ELMO1: variants seen among roughly 807,000 people sequenced by gnomAD.
The protein encoded by ELMO1 is engulfment and cell motility protein 1.
A neutral mutation model predicts 98.9 loss-of-function variants in ELMO1; 26 were observed. The ratio of observed to expected loss-of-function variants is 0.26; its 90% confidence interval spans 0.19 to 0.36. The LOEUF (loss-of-function observed/expected upper bound fraction) is 0.36. Among genes scored for constraint, ELMO1 ranks in the 10% least tolerant of loss-of-function variants. The pLI, the probability that ELMO1 is intolerant of heterozygous loss-of-function variation, is 1.00. For missense variants in ELMO1, 627 were observed against 935.2 expected (o/e 0.67, Z 4.30); for synonymous variants, 346 against 346.0 (o/e 1.00, Z 0.00).
chr7:37,343,625 G>A (rs1022925566), intron 1 of ELMO1, among the ~76,000 whole-genome samples: 9 of 151,566 alleles, frequency 5.9e-5, no homozygotes, highest in Admixed American at 5.9e-4. Context: ...AGGATAACAG[G>A]GGCCCACCAC....
In ELMO1 at chr7:37,039,689, T is replaced by C. The variant is rs147574420; in HGVS notation, c.1301-26254A>G. 1.6e-3 allele frequency among the ~76,000 whole-genome samples: 248 copies of C among 152,362 alleles called. 1 individual carries two copies. In the Middle Eastern group the frequency reaches 0.017, roughly 10 times the overall value. On this transcript the variant is annotated intron_variant, in intron 15 of 21. Coordinates refer to ENST00000310758, the MANE Select transcript of ELMO1 (RefSeq NM_014800.11). ...ATTTTCTTTTTTAGCCTGAGGCCAG[T>C]TGACTCTATTTCAGCCTGTGTCTAA...
intron 15 of ELMO1, among the ~76,000 whole-genome samples, chr7:37,054,139 G>T (rs1172681168): frequency 2.0e-5 from 3 of 152,040 alleles, no homozygotes; most frequent in African/African-American, 7.3e-5. Flanking sequence ...CTATATTTAG[G>T]ATACCTGTGT....
At chr7:37,242,390 GT>G (rs1250943070) in intron 7 of ELMO1, among the ~76,000 whole-genome samples, 1 of 152,090 alleles carries the variant, frequency 6.6e-6, no homozygotes, top group African/African-American at 2.4e-5. Flanking sequence ...ATTTATAAAA[GT>G]TTTTAAAAAA....
chr7:37,141,315 C>T (rs762326227), intron 13 of ELMO1, among the ~76,000 whole-genome samples: 3 of 152,122 alleles, frequency 2.0e-5, no homozygotes, highest in Non-Finnish European at 2.9e-5. Context: ...TGTTCTCACT[C>T]ATGTGGGAGC....
chr7:37,271,736 C>G (rs1156302671), intron 5 of ELMO1, 96 bp downstream of exon 5: 19 of 1,376,964 alleles, frequency 1.4e-5, no homozygotes, highest in Non-Finnish European at 1.0e-6. Flanking sequence ...TTGCTTTGCA[C>G]TAAAGTCAAC....
At chr7:37,211,553 G>A (rs1279272909) in intron 12 of ELMO1, 36 bp from the exon 13 acceptor site, 2 of 1,605,496 alleles carry the variant, frequency 1.2e-6, no homozygotes, top group South Asian at 2.2e-5. Context: ...AAAGGGAGGG[G>A]AAAAAGCTGC....
intron 5 of ELMO1, among the ~76,000 whole-genome samples, chr7:37,261,886 G>A (rs1331815486): frequency 6.6e-6 from 1 of 152,180 alleles, no homozygotes; most frequent in Non-Finnish European, 1.5e-5. Flanking sequence ...ACAGGCGTGA[G>A]CCACCACGCC....
chr7:37,036,799 T>C (rs1444518094), intron 15 of ELMO1, among the ~76,000 whole-genome samples: 1 of 152,118 alleles, frequency 6.6e-6, no homozygotes, highest in African/African-American at 2.4e-5. Flanking sequence ...ATGCAAGATA[T>C]TGGAGTTGGA....
At chr7:37,369,323 G>T (rs922773103) in intron 1 of ELMO1, among the ~76,000 whole-genome samples, 3 of 152,110 alleles carry the variant, frequency 2.0e-5, no homozygotes, top group African/African-American at 7.2e-5. Context: ...ATACCTACTG[G>T]CTGAGCATCC....
At chr7:37,431,157 C>A (rs970664570) in intron 1 of ELMO1, among the ~76,000 whole-genome samples, 6 of 152,046 alleles carry the variant, frequency 3.9e-5, no homozygotes, top group Non-Finnish European at 8.8e-5. Context: ...GGCAACATAG[C>A]AAAACCCCAT....
intron 15 of ELMO1, among the ~76,000 whole-genome samples, chr7:37,029,735 T>A (rs530458951): frequency 2.0e-4 from 31 of 152,210 alleles, no homozygotes; most frequent in Non-Finnish European, 2.1e-4. Flanking sequence ...CACAGCATCG[T>A]AAGCTAATTG....
At chr7:37,007,700 T>C (rs947508302) in intron 16 of ELMO1, among the ~76,000 whole-genome samples, 2 of 152,216 alleles carry the variant, frequency 1.3e-5, no homozygotes, top group Middle Eastern at 3.2e-3. Flanking sequence ...TTTATTCATG[T>C]GTTAGCTGCC....
intron 1 of ELMO1, among the ~76,000 whole-genome samples, chr7:37,350,931 A>G (rs1309813483): frequency 6.6e-6 from 1 of 152,210 alleles, no homozygotes; most frequent in Non-Finnish European, 1.5e-5. Flanking sequence ...CAACACTGAT[A>G]ACACCTTGAT....
At chr7:37,120,905 C>T (rs1472933987) in intron 14 of ELMO1, among the ~76,000 whole-genome samples, 2 of 152,244 alleles carry the variant, frequency 1.3e-5, no homozygotes, top group Non-Finnish European at 2.9e-5. Context: ...CTCACACAGC[C>T]GGGTACCCCT....
chr7:36,968,799 TG>T (rs1489519867), intron 16 of ELMO1, among the ~76,000 whole-genome samples: 5 of 152,168 alleles, frequency 3.3e-5, no homozygotes, highest in African/African-American at 1.2e-4. Context: ...TGGGTGCTTT[TG>T]TTGTTATTTT....
chr7:36,987,336 C>T (rs921077301), intron 16 of ELMO1, among the ~76,000 whole-genome samples: 1 of 152,156 alleles, frequency 6.6e-6, no homozygotes, highest in East Asian at 1.9e-4. Flanking sequence ...GGCTGCACAT[C>T]CTGGTCAGAC....
intron 16 of ELMO1, among the ~76,000 whole-genome samples, chr7:36,914,585 C>A (rs1784561024): frequency 6.6e-6 from 1 of 150,992 alleles, no homozygotes; most frequent in African/African-American, 2.4e-5. Context: ...CTGATCTCGG[C>A]TCACTGCAAC....
intron 13 of ELMO1, among the ~76,000 whole-genome samples, chr7:37,179,342 A>C (rs1390472989): frequency 1.4e-5 from 2 of 144,882 alleles, no homozygotes; most frequent in Non-Finnish European, 1.5e-5. Flanking sequence ...CACTGGCGCG[A>C]TCTTGGCTCA....
rs1006369569 is a variant in ELMO1 at position 37,247,895 on chromosome 7, A to G, written c.414-3504T>C. ...AAGTTTAAAATGGTTTTGAAATAAA[A>G]TGTGTGTGTGTGTGTGTGTGTGTGT... is the stretch of plus-strand genomic sequence containing the variant. On this transcript the variant is annotated intron_variant, in intron 6 of 21. Coordinates refer to ENST00000310758, the MANE Select transcript of ELMO1 (RefSeq NM_014800.11). Among the ~76,000 whole-genome samples the G allele has an allele frequency of 6.5e-4, 95 of 146,644 alleles. 1 individual carries two copies. The highest frequency in any genetic ancestry group is 2.2e-3 in the African/African-American group (87 of 40,022).
Sources: allele counts gnomAD v4.1 joint callset (sites outside exome capture counted in the v4.1 genomes callset), GRCh38; gene constraint gnomAD v4.1.1; transcripts MANE v1.5; gene names NCBI Gene and HGNC (gene_info 2026-07-23, HGNC 2026-07-21).